SEMA7A: variants seen among roughly 807,000 people sequenced by gnomAD.
The protein encoded by SEMA7A is semaphorin-7A.
A neutral mutation model predicts 67.5 loss-of-function variants in SEMA7A; 21 were observed. The ratio of observed to expected loss-of-function variants is 0.31; its 90% confidence interval spans 0.22 to 0.45. SEMA7A has a LOEUF of 0.45. SEMA7A is among the 20% of genes least tolerant of loss of function. The probability of loss-of-function intolerance (pLI) is 1.00; values close to 1 mark genes in which losing one functional copy is unlikely to be tolerated. For synonymous variants in SEMA7A, 364 were observed against 368.5 expected (o/e 0.99, Z 0.14); for missense variants, 774 against 908.6 (o/e 0.85, Z 1.90).
chr15:74,431,893 T>C lies in SEMA7A; in HGVS notation c.178+1848A>G, dbSNP rs1024528095. ...GACCCCAGCCAGCGGGGCTCAACAG[T>C]GCATTACTAAGCAGAGGGCACAGCC... On this transcript the variant is annotated intron_variant, in intron 1 of 13. Coordinates refer to ENST00000261918, the MANE Select transcript of SEMA7A (RefSeq NM_003612.5). 2.6e-5 allele frequency among the ~76,000 whole-genome samples: 4 copies of C among 152,184 alleles called. No individual in the cohort carries two copies. The East Asian group carries it at 7.7e-4, about 29-fold the overall frequency.
At chr15:74,418,721 C>G in intron 2 of SEMA7A, 80 bp downstream of exon 2, 1 of 1,511,166 alleles carries the variant, frequency 6.6e-7, no homozygotes, top group Admixed American at 1.9e-5. Context: ...CCAGCTCCCT[C>G]GGATTCCCTG....
rs1202675608 is a variant in SEMA7A at position 74,433,832 on chromosome 15, C to T, written c.87G>A (p.Leu29=). The change falls in exon 1 of 14, where the codon CTG becomes CTA. Residue 29 remains leucine (L), a synonymous_variant. Coordinates refer to ENST00000261918, the MANE Select transcript of SEMA7A (RefSeq NM_003612.5). ...AGAGCAGCAGCAGCAGCCGCAGCCG[C>T]AGCGGAAGCCCCAACCGAGCCGGCG... The part of the protein sequence containing the change: ...PGPPARLGLP[L]RLRLLLLLWA... 2 of 1,355,446 alleles carry T rather than the reference C, an allele frequency of 1.5e-6. No homozygotes were observed. Among genetic ancestry groups the T allele is most frequent in the Admixed American group, 3.7e-5 (1 of 27,390 alleles). The allele number at this position is 1,355,446 out of a possible 1,614,324, so 84.0% of individuals were successfully genotyped here. A position where few individuals can be genotyped will look rare whatever the true frequency, so the allele number is the denominator to read the frequency against.
At chr15:74,422,122 C>T (rs547334193) in intron 1 of SEMA7A, among the ~76,000 whole-genome samples, 8 of 152,136 alleles carry the variant, frequency 5.3e-5, no homozygotes, top group Non-Finnish European at 8.8e-5. Context: ...CTGAGGCCCA[C>T]GTGTGATGGG....
In SEMA7A at chr15:74,415,872, G is replaced by A. The variant is rs201611726; in HGVS notation, c.915C>T (p.Asp305=). The change falls in exon 8 of 14, where the codon GAC becomes GAT. Residue 305 remains aspartate, a synonymous_variant. Transcript: ENST00000261918. ...CGCTGGGGTCAGGGAGCAGGAAGAC[G>A]TCTTGCAGCCTGTTGAAGTTCTTGT... ...ATNKNFNRLQ[D]VFLLPDPSGQ... is the part of the protein sequence containing the mutation. 2.2e-5 allele frequency: 36 copies of A among 1,614,136 alleles called. No individual in the cohort carries two copies. Among genetic ancestry groups the A allele is most frequent in the African/African-American group, 8.0e-5 (6 of 75,046 alleles).
At chr15:74,412,804 G>A (rs1448374899) in intron 10 of SEMA7A, among the ~76,000 whole-genome samples, 1 of 151,796 alleles carries the variant, frequency 6.6e-6, no homozygotes, top group South Asian at 2.1e-4. Context: ...AGGACTCCAC[G>A]TTGCATTTGA....
At chr15:74,419,380 C>T (rs751738400) in intron 1 of SEMA7A, among the ~76,000 whole-genome samples, 4 of 152,072 alleles carry the variant, frequency 2.6e-5, no homozygotes, top group Non-Finnish European at 4.4e-5. Flanking sequence ...GCAAGCAGCG[C>T]CCCCCAACCC....
At position 74,414,225 on chromosome 15, in the gene SEMA7A, G is replaced by A. The variant is rs149914723; in HGVS notation, c.1294+322C>T. Among the ~76,000 whole-genome samples the A allele has an allele frequency of 8.5e-5, 13 of 152,106 alleles. No homozygotes were observed. The highest frequency in any genetic ancestry group is 2.1e-4 in the South Asian group (1 of 4,822). On this transcript the variant is annotated intron_variant, in intron 10 of 13. Transcript: ENST00000261918. The surrounding 1 kb of genome is among the most constrained non-coding windows in gnomAD (Gnocchi z 4.1). ...CAGGCCCCTCCTCCTCATTTGCCAC[G>A]TCTCTTCCTACCATCTTCTTCCCTG...
In SEMA7A at chr15:74,433,799, G is replaced by T; in HGVS notation, c.120C>A (p.Ala40=). 1 of 1,428,834 alleles carries T rather than the reference G, an allele frequency of 7.0e-7. No homozygotes were observed. Among genetic ancestry groups the T allele is most frequent in the Non-Finnish European group, 9.1e-7 (1 of 1,094,680 alleles). 88.5% of individuals were successfully genotyped at this position (1,428,834 alleles called of 1,614,324 possible). A position where few individuals can be genotyped will look rare whatever the true frequency, so the allele number is the denominator to read the frequency against. ...RLRLLLLLWA[A]AASAQGHLRS... ...TTAGGTGGCCCTGGGCGGAGGCGGCGGCCGCCCAGAGCAGCAGCAGCAGCC... is the reference window on the plus strand; with the variant it reads ...TTAGGTGGCCCTGGGCGGAGGCGGCTGCCGCCCAGAGCAGCAGCAGCAGCC... Residue 40 remains alanine (A), a synonymous_variant, in exon 1 of 14, where the codon GCC becomes GCA. Transcript: ENST00000261918.
At position 74,416,643 on chromosome 15, in the gene SEMA7A, G is replaced by A. The variant is rs372879846; in HGVS notation, c.733C>T (p.Arg245Ter). 2.5e-6 allele frequency: 4 copies of A among 1,614,044 alleles called. No homozygotes were observed. The highest frequency in any genetic ancestry group is 3.4e-6 in the Non-Finnish European group (4 of 1,179,934). ...GGATTCTTGTCAGGATTGTCCTCTC[G>A]GAAGAAGTAGTAGATCTTGTCATCG... ...AYDDKIYYFFREDNPDKNPEA... is the reference protein window; with the variant it reads ...AYDDKIYYFF The change falls in exon 7 of 14, where the codon CGA (arginine) becomes TGA (stop). Residue 245 changes from arginine (R) to a stop codon, truncating the protein, a stop_gained. Coordinates refer to ENST00000261918, the MANE Select transcript of SEMA7A (RefSeq NM_003612.5). LOFTEE classifies it high-confidence loss of function.
At chr15:74,433,259 G>A (rs1440847085) in intron 1 of SEMA7A, among the ~76,000 whole-genome samples, 1 of 151,578 alleles carries the variant, frequency 6.6e-6, no homozygotes, top group Non-Finnish European at 1.5e-5. Flanking sequence ...TCCCGCTGCC[G>A]AAGCGCGGCG....
At chr15:74,427,196 G>GAT (rs1252076646) in intron 1 of SEMA7A, 2 of 985,110 alleles carry the variant, frequency 2.0e-6, no homozygotes, top group Non-Finnish European at 2.4e-6. Flanking sequence ...TCTTCGCTCA[G>GAT]ATCATGCTGT....
At chr15:74,415,714 G>A in intron 8 of SEMA7A, 87 bp downstream of exon 8, 1 of 1,327,728 alleles carries the variant, frequency 7.5e-7, no homozygotes, top group Non-Finnish European at 1.0e-6. Flanking sequence ...GCCACACCAG[G>A]GAGGCCCTCA....
chr15:74,431,970 G>A (rs933952858), intron 1 of SEMA7A, among the ~76,000 whole-genome samples: 3 of 152,310 alleles, frequency 2.0e-5, no homozygotes, highest in Non-Finnish European at 2.9e-5. Context: ...ATGGAGCTGT[G>A]CTGGGAGCTT....
intron 3 of SEMA7A, 145 bp from the exon 4 acceptor site, chr15:74,418,114 T>G: frequency 1.7e-6 from 2 of 1,148,450 alleles, no homozygotes; most frequent in Non-Finnish European, 2.6e-6. Context: ...CCAGAGTGTG[T>G]GCAGCTGACG....
At chr15:74,433,151 C>A (rs1434556941) in intron 1 of SEMA7A, among the ~76,000 whole-genome samples, 1 of 152,078 alleles carries the variant, frequency 6.6e-6, no homozygotes, top group African/African-American at 2.4e-5. Flanking sequence ...GCCGCCGCAC[C>A]GCACCATGTC....
intron 1 of SEMA7A, among the ~76,000 whole-genome samples, chr15:74,422,668 G>A (rs1356352650): frequency 2.0e-5 from 3 of 152,190 alleles, no homozygotes; most frequent in Admixed American, 6.5e-5. Flanking sequence ...AGACACAGCC[G>A]CAGGGCCGGG....
chr15:74,429,924 T>C (rs1214389436), intron 1 of SEMA7A, among the ~76,000 whole-genome samples: 1 of 152,050 alleles, frequency 6.6e-6, no homozygotes, highest in African/African-American at 2.4e-5. Flanking sequence ...GCTTGCTCCC[T>C]CTTCCAGGAA....
At chr15:74,416,080 C>T in intron 7 of SEMA7A, 95 bp from the exon 8 acceptor site, 1 of 1,307,328 alleles carries the variant, frequency 7.6e-7, no homozygotes. Flanking sequence ...AACACCTGGG[C>T]CCAGAGGAGG....
rs769597918 is a variant in SEMA7A, at chr15:74,411,578, T to G, written c.1555A>C (p.Ile519Leu). ...TACCGTTCGGAGCTGTAGATGGAGA[T>G]GCAGCGGCCTTGGTCCCAGCCGCAG... ...PYCGWDQGRC[I>L]SIYSSERSVL... Residue 519 changes from isoleucine to leucine, a missense_variant, in exon 12 of 14, where the codon ATC becomes CTC. By Grantham distance (5) the Ile-to-Leu change is conservative (BLOSUM62 2). This residue lies in a region of SEMA7A where 427 missense variants were observed against 555.4 expected (regional missense o/e 0.77). Coordinates refer to ENST00000261918, the MANE Select transcript of SEMA7A (RefSeq NM_003612.5). The surrounding 1 kb of genome is among the most constrained non-coding windows in gnomAD (Gnocchi z 4.4). 6 of 1,579,228 alleles carry G rather than the reference T, an allele frequency of 3.8e-6. No homozygotes were observed. In the South Asian group the frequency reaches 5.8e-5, roughly 15 times the overall value.
Sources: allele counts gnomAD v4.1 joint callset (sites outside exome capture counted in the v4.1 genomes callset), GRCh38; gene constraint gnomAD v4.1.1; regional missense constraint gnomAD v4.1.1; non-coding constraint Gnocchi (gnomAD v3.1); transcripts MANE v1.5; gene names NCBI Gene and HGNC (gene_info 2026-07-23, HGNC 2026-07-21).